The following FRG1 variants were observed in gnomAD, a reference collection of about 807,000 sequenced individuals.
The protein encoded by FRG1 is protein FRG1.
In FRG1, 19 loss-of-function variants were observed where a neutral mutation model predicts 37.0. The ratio of observed to expected loss-of-function variants is 0.51; its 90% CI spans 0.36 to 0.75. The LOEUF is 0.75. Among genes scored for constraint, FRG1 ranks in the 30% least tolerant of loss-of-function variants. The pLI is 0.00. For synonymous variants in FRG1, 73 were observed against 96.5 expected (o/e 0.76, Z 1.43); for missense variants, 243 against 301.4 (o/e 0.81, Z 1.44).
At chr4:189,957,658 TC>T (rs1737043599) in intron 6 of FRG1, among the ~76,000 whole-genome samples, 156 bp downstream of exon 6, 1 of 152,186 alleles carries the variant, frequency 6.6e-6, no homozygotes, top group African/African-American at 2.4e-5. Flanking sequence ...TAATTATAAA[TC>T]CCATAGTTGA....
chr4:189,956,960 A>G (rs1318876728), intron 5 of FRG1, among the ~76,000 whole-genome samples: 1 of 152,230 alleles, frequency 6.6e-6, no homozygotes, highest in Non-Finnish European at 1.5e-5. Flanking sequence ...TAAATTCAAA[A>G]CACCAAAGCA....
chr4:189,951,537 G>T (rs888209278), intron 2 of FRG1, among the ~76,000 whole-genome samples: 1 of 151,970 alleles, frequency 6.6e-6, no homozygotes, highest in African/African-American at 2.4e-5. Context: ...TTCCTGTAGA[G>T]GCATTTTTAA....
chr4:189,952,398 G>A lies in FRG1; in HGVS notation c.259+111G>A, dbSNP rs577907255. Reference sequence around the variant, plus strand: ...CATTTTCCAAAGGAATGGAACCATTGCATTTGACTCTTCCATTTTTTTTTA... The same window carrying A: ...CATTTTCCAAAGGAATGGAACCATTACATTTGACTCTTCCATTTTTTTTTA... On this transcript the variant is annotated intron_variant, in intron 3 of 8. Coordinates refer to ENST00000226798, the MANE Select transcript of FRG1 (RefSeq NM_004477.3). The A allele has an allele frequency of 2.1e-4, 202 of 964,756 alleles. 1 individual carries two copies. The highest frequency in any genetic ancestry group is 6.6e-4 in the African/African-American group (40 of 60,312). The allele number at this position is 964,756 out of a possible 1,614,324, so 59.8% of individuals were successfully genotyped here.
At chr4:189,956,923 C>T (rs1206746909) in intron 5 of FRG1, among the ~76,000 whole-genome samples, 1 of 152,184 alleles carries the variant, frequency 6.6e-6, no homozygotes, top group Non-Finnish European at 1.5e-5. Flanking sequence ...TATTTTCACA[C>T]ACAAAAGTCC....
At chr4:189,951,050 G>A (rs943937565) in intron 2 of FRG1, among the ~76,000 whole-genome samples, 6 of 152,180 alleles carry the variant, frequency 3.9e-5, no homozygotes, top group Non-Finnish European at 8.8e-5. Context: ...GAGGAGGTTT[G>A]AGGATATTTT....
intron 8 of FRG1, 65 bp downstream of exon 8, chr4:189,961,997 T>C: frequency 2.4e-6 from 2 of 817,518 alleles, no homozygotes; most frequent in Non-Finnish European, 4.0e-6. Flanking sequence ...GTAGAAAACC[T>C]ACATTCTCTT....
intron 2 of FRG1, among the ~76,000 whole-genome samples, chr4:189,949,178 G>A (rs1299789112): frequency 6.6e-6 from 1 of 152,186 alleles, no homozygotes; most frequent in East Asian, 1.9e-4. Context: ...TACACAGCTT[G>A]AGCTGTCACC....
At chr4:189,956,045 G>GA (rs1212791824) in intron 5 of FRG1, among the ~76,000 whole-genome samples, 1 of 152,142 alleles carries the variant, frequency 6.6e-6, no homozygotes, top group East Asian at 1.9e-4. Flanking sequence ...TCAGTGACTT[G>GA]AAAACTATTT....
intron 1 of FRG1, among the ~76,000 whole-genome samples, chr4:189,942,325 C>T (rs1434760758): frequency 1.3e-5 from 2 of 152,152 alleles, no homozygotes; most frequent in Non-Finnish European, 2.9e-5. Context: ...AGTTGCTCAG[C>T]ATTTTCATCA....
chr4:189,945,994 T>G (rs1254074563), intron 2 of FRG1, among the ~76,000 whole-genome samples: 2 of 152,356 alleles, frequency 1.3e-5, no homozygotes, highest in Admixed American at 1.3e-4. Context: ...TTGTGTCTTT[T>G]AAGAAAATTT....
intron 2 of FRG1, among the ~76,000 whole-genome samples, chr4:189,950,684 GA>G (rs1452320627): frequency 1.3e-5 from 2 of 152,148 alleles, no homozygotes; most frequent in South Asian, 2.1e-4. Flanking sequence ...TTTTATTATG[GA>G]AATATCCAAA....
chr4:189,962,930 T>C (rs7679996), intron 8 of FRG1, among the ~76,000 whole-genome samples, 163 bp from the exon 9 acceptor site: 53,305 of 151,594 alleles, frequency 0.35, 9,795 homozygotes, highest in African/African-American at 0.47. Flanking sequence ...TTAGAATCCA[T>C]TTTTTATAGA....
chr4:189,945,476 C>T (rs1349325071), intron 2 of FRG1, among the ~76,000 whole-genome samples: 1 of 152,204 alleles, frequency 6.6e-6, no homozygotes, highest in Non-Finnish European at 1.5e-5. Flanking sequence ...TTAATGCTGT[C>T]AGATGCCTCT....
At chr4:189,955,739 A>C (rs908141947) in intron 5 of FRG1, among the ~76,000 whole-genome samples, 4 of 152,218 alleles carry the variant, frequency 2.6e-5, no homozygotes, top group African/African-American at 9.7e-5. Context: ...CAGAATACAT[A>C]ATTTCCTTTT....
At position 189,941,020 on chromosome 4, in the gene FRG1, A is replaced by G. The variant is rs1314493160; in HGVS notation, c.11A>G (p.Tyr4Cys). Residue 4 changes from tyrosine to cysteine, a missense_variant, in exon 1 of 9, where the codon TAC becomes TGC. Physicochemically the swap from Tyr to Cys is radical, Grantham distance 194 (BLOSUM62 -2). This residue lies in a region of FRG1 where 110 missense variants were observed against 102.2 expected (regional missense o/e 1.08). Coordinates refer to ENST00000226798, the MANE Select transcript of FRG1 (RefSeq NM_004477.3). The part of the protein sequence containing the change: MAE[Y>C]SYVKSTKLVL... ...AAGTTTCCCGGAGCCATGGCCGAGT[A>G]CTCCTACGTGAAGTCTACCAAGCTC... The G allele has an allele frequency of 2.5e-6, 4 of 1,613,966 alleles. No individual in the cohort carries two copies. Among genetic ancestry groups the G allele is most frequent in the Non-Finnish European group, 3.4e-6 (4 of 1,179,878 alleles).
intron 2 of FRG1, among the ~76,000 whole-genome samples, chr4:189,947,873 C>T (rs1264237599): frequency 6.6e-6 from 1 of 152,230 alleles, no homozygotes; most frequent in Non-Finnish European, 1.5e-5. Context: ...AGGTCTCTAC[C>T]TCTCTCCGTG....
intron 2 of FRG1, among the ~76,000 whole-genome samples, chr4:189,947,324 C>CTCACAAG (rs113124354): frequency 6.6e-6 from 1 of 151,680 alleles, no homozygotes; most frequent in Non-Finnish European, 1.5e-5. Flanking sequence ...TTGAAGCCGT[C>CTCACAAG]ATGTGTACAC....
Position 189,940,993 on chromosome 4 carries a change from A to C in FRG1, c.-17A>C, listed in dbSNP as rs2126792606. ...AGAACCGGCCTCAGCCTCTCCGCGC[A>C]GAAGTTTCCCGGAGCCATGGCCGAG... On this transcript the variant is annotated 5_prime_UTR_variant, in exon 1 of 9. Coordinates refer to ENST00000226798, the MANE Select transcript of FRG1 (RefSeq NM_004477.3). The C allele has an allele frequency of 1.2e-6, 2 of 1,611,458 alleles. No individual in the cohort carries two copies. The highest frequency in any genetic ancestry group is 1.7e-6 in the Non-Finnish European group (2 of 1,177,906).
intron 4 of FRG1, 91 bp from the exon 5 acceptor site, chr4:189,954,946 C>A (rs1736916692): frequency 1.4e-6 from 1 of 734,118 alleles, no homozygotes; most frequent in Non-Finnish European, 2.4e-6. Context: ...TAGATATGTA[C>A]ACAGCCACAC....
Sources: allele counts gnomAD v4.1 joint callset (sites outside exome capture counted in the v4.1 genomes callset), GRCh38; gene constraint gnomAD v4.1.1; regional missense constraint gnomAD v4.1.1; transcripts MANE v1.5; gene names NCBI Gene and HGNC (gene_info 2026-07-23, HGNC 2026-07-21).